The following KAZN variants were observed in gnomAD, a reference collection of about 807,000 sequenced individuals.
The protein encoded by KAZN is kazrin, periplakin interacting protein, also known as kazrin.
In KAZN, 40 loss-of-function variants were observed where a neutral mutation model predicts 87.4. The ratio of observed to expected loss-of-function variants is 0.46; its 90% confidence interval spans 0.36 to 0.60. The LOEUF (loss-of-function observed/expected upper bound fraction) is 0.60, where lower values mean the gene tolerates loss of function less well. Among genes scored for constraint, KAZN ranks in the 20% least tolerant of loss-of-function variants. The pLI is 0.00. For missense variants in KAZN, 898 were observed against 1,073.9 expected, an observed-to-expected ratio of 0.84 and a Z score of 2.29; for synonymous variants, 466 against 458.3, an observed-to-expected ratio of 1.02 and a Z score of -0.22.
chr1:15,071,326 A>T (rs1235142292), intron 8 of KAZN, among the ~76,000 whole-genome samples: 2 of 151,878 alleles, frequency 1.3e-5, no homozygotes, highest in Admixed American at 6.6e-5. Context: ...ATCTCGGCTC[A>T]CTGCAACCTT....
At chr1:15,052,878 C>T (rs1012975961) in intron 4 of KAZN, among the ~76,000 whole-genome samples, 1 of 152,210 alleles carries the variant, frequency 6.6e-6, no homozygotes, top group African/African-American at 2.4e-5. Context: ...GAAGATGCCA[C>T]TCCCAGGCCC....
At chr1:14,338,591 TAAAAG>T (rs753035792) in intron 2 of KAZN, among the ~76,000 whole-genome samples, 2 of 142,412 alleles carry the variant, frequency 1.4e-5, no homozygotes, top group Non-Finnish European at 3.0e-5. Context: ...TCCTCAGAAA[TAAAAG>T]AGAGGCGATG....
intron 1 of KAZN, among the ~76,000 whole-genome samples, chr1:14,849,362 T>C (rs552906087): frequency 4.6e-5 from 7 of 152,294 alleles, no homozygotes; most frequent in Admixed American, 4.6e-4. Context: ...TCATCAACAA[T>C]AATAGCAATA....
chr1:13,921,922 C>T (rs1281981684), intron 1 of KAZN, among the ~76,000 whole-genome samples: 2 of 152,166 alleles, frequency 1.3e-5, no homozygotes. Flanking sequence ...CGAGCCACTG[C>T]GTCCAGCCCC....
chr1:14,108,079 C>T (rs1040207047), intron 1 of KAZN, among the ~76,000 whole-genome samples: 4 of 152,232 alleles, frequency 2.6e-5, no homozygotes, highest in South Asian at 4.1e-4. Flanking sequence ...GCATTCTAGC[C>T]GTACTGGACC....
In KAZN at chr1:14,935,566, G is replaced by A. The variant is rs146282390; in HGVS notation, c.227-25118G>A. Among the ~76,000 whole-genome samples the A allele has an allele frequency of 5.7e-3, 872 of 152,302 alleles. 8 individuals carry two copies. Among genetic ancestry groups the A allele is most frequent in the African/African-American group, 0.02 (823 of 41,546 alleles). ...AGAAACTGGGGGTGGGCCCAGTCTGGGTGTTAACAAGCCCTGCAAGGCGAT... is the reference window on the plus strand; with the variant it reads ...AGAAACTGGGGGTGGGCCCAGTCTGAGTGTTAACAAGCCCTGCAAGGCGAT... On this transcript the variant is annotated intron_variant, in intron 1 of 14. Transcript: ENST00000376030.
At chr1:14,881,583 GT>G (rs1227468611) in intron 1 of KAZN, among the ~76,000 whole-genome samples, 13 of 152,078 alleles carry the variant, frequency 8.5e-5, no homozygotes, top group African/African-American at 3.1e-4. Context: ...TGGGAATACA[GT>G]GGTGAGCCAA....
intron 2 of KAZN, among the ~76,000 whole-genome samples, chr1:14,229,928 G>A (rs1647651909): frequency 6.6e-6 from 1 of 152,170 alleles, no homozygotes; most frequent in Non-Finnish European, 1.5e-5. Context: ...CCTCTGCAGC[G>A]AATATGTTCC....
chr1:14,290,098 C>T (rs1331080919), intron 2 of KAZN, among the ~76,000 whole-genome samples: 1 of 152,184 alleles, frequency 6.6e-6, no homozygotes, highest in Non-Finnish European at 1.5e-5. Context: ...TTCTCTCTGG[C>T]TGCCCTTAAC....
intron 1 of KAZN, among the ~76,000 whole-genome samples, chr1:14,013,136 C>T (rs1158776179): frequency 6.6e-6 from 1 of 152,188 alleles, no homozygotes; most frequent in East Asian, 1.9e-4. Context: ...ATCCTCACTT[C>T]CTTCAATGTT....
chr1:14,310,310 A>T (rs965857921), intron 2 of KAZN, among the ~76,000 whole-genome samples: 1 of 152,180 alleles, frequency 6.6e-6, no homozygotes, highest in African/African-American at 2.4e-5. Context: ...TGCCAGACCA[A>T]AGAAAATGCA....
chr1:14,798,661 C>A (rs1363495793), intron 1 of KAZN, among the ~76,000 whole-genome samples: 1 of 152,100 alleles, frequency 6.6e-6, no homozygotes, highest in African/African-American at 2.4e-5. Flanking sequence ...GTCTCGATCT[C>A]CCGACCTCAT....
intron 1 of KAZN, among the ~76,000 whole-genome samples, chr1:14,865,251 C>T (rs1270219198): frequency 1.3e-5 from 2 of 152,132 alleles, no homozygotes; most frequent in South Asian, 2.1e-4. Context: ...AATGTAGCTG[C>T]GGCTCCTCCC....
intron 2 of KAZN, among the ~76,000 whole-genome samples, chr1:14,481,440 A>C (rs1416373923): frequency 3.3e-5 from 5 of 152,170 alleles, no homozygotes; most frequent in African/African-American, 1.2e-4. Flanking sequence ...AAACTATCAA[A>C]TATGAATGCT....
At chr1:14,158,212 C>T (rs1385922353) in intron 1 of KAZN, among the ~76,000 whole-genome samples, 1 of 152,168 alleles carries the variant, frequency 6.6e-6, no homozygotes, top group Admixed American at 6.5e-5. Flanking sequence ...TCTTTCTCTA[C>T]CTCCTCTTTA....
chr1:14,637,120 C>A (rs1291457457), intron 1 of KAZN, among the ~76,000 whole-genome samples: 1 of 152,158 alleles, frequency 6.6e-6, no homozygotes, highest in African/African-American at 2.4e-5. Flanking sequence ...CATATTCTCT[C>A]CCTCCATACC....
At chr1:13,956,415 C>T (rs1185844409) in intron 1 of KAZN, among the ~76,000 whole-genome samples, 1 of 151,446 alleles carries the variant, frequency 6.6e-6, no homozygotes, top group Non-Finnish European at 1.5e-5. Context: ...AGACATGTCC[C>T]TTTGTCTCTA....
chr1:14,777,336 A>C lies in KAZN; in HGVS notation c.226+178113A>C, dbSNP rs148004011. ...CTTTATTCCTTTAATCTGATGAAGA[A>C]ATTGAAGCTCTGAGAGACGCCTCAT... On this transcript the variant is annotated intron_variant, in intron 1 of 14. Transcript: ENST00000376030. 3.4e-3 allele frequency among the ~76,000 whole-genome samples: 523 copies of C among 152,268 alleles called. 6 individuals are homozygous for C. The highest frequency in any genetic ancestry group is 0.012 in the African/African-American group (507 of 41,544).
intron 2 of KAZN, among the ~76,000 whole-genome samples, chr1:14,480,549 A>T (rs1001036003): frequency 2.0e-5 from 3 of 147,588 alleles, no homozygotes; most frequent in African/African-American, 7.4e-5. Context: ...TATAATTTAT[A>T]TATTTATGTA....
Sources: allele counts gnomAD v4.1 joint callset (sites outside exome capture counted in the v4.1 genomes callset), GRCh38; gene constraint gnomAD v4.1.1; transcripts MANE v1.5; gene names NCBI Gene and HGNC (gene_info 2026-07-23, HGNC 2026-07-21).